The following SLC18A1 variants were observed in gnomAD, a reference collection of about 807,000 sequenced individuals.
SLC18A1 encodes solute carrier family 18 member A1, also known as chromaffin granule amine transporter.
Under a neutral mutation model 53.7 loss-of-function variants are expected in SLC18A1, and 69 were observed. That is an observed-to-expected ratio of 1.28 (90% CI 1.06 to 1.57). The LOEUF (loss-of-function observed/expected upper bound fraction) is 1.57. Ranked by LOEUF, SLC18A1 falls within the 40% of genes most tolerant of loss-of-function variation. The pLI, the probability that SLC18A1 is intolerant of heterozygous loss-of-function variation, is 0.00. For synonymous variants in SLC18A1, 320 were observed against 248.1 expected (o/e 1.29, Z -2.72); for missense variants, 932 against 668.1 (o/e 1.40, Z -4.35).
In SLC18A1 at chr8:20,147,587, G is replaced by C; in HGVS notation, c.1330+16C>G. On this transcript the variant is annotated intron_variant, in intron 14 of 15. Coordinates refer to ENST00000276373, the MANE Select transcript of SLC18A1 (RefSeq NM_003053.4). ...GTAGACAGGGGAAAGTGGGGCACCA[G>C]GTCCTGCCAACATACCTATAGCAAA... 2 of 1,613,858 alleles carry C rather than the reference G, an allele frequency of 1.2e-6. No homozygotes were observed. Among genetic ancestry groups the C allele is most frequent in the Non-Finnish European group, 8.5e-7 (1 of 1,179,806 alleles).
rs772384593 is a variant in SLC18A1 at position 20,179,235 on chromosome 8, C to T, written c.374G>A (p.Cys125Tyr). The change falls in exon 3 of 16, where the codon TGC becomes TAC. Residue 125 changes from cysteine (C) to tyrosine (Y), a missense_variant. Cys to Tyr is a radical substitution (Grantham distance 194, BLOSUM62 -2). Transcript: ENST00000276373. ...CTCCAAGAAACCTGTGCCTTGCAAG[C>T]AGTTGTTTTTATGAGCTGAGATGGC... The part of the protein sequence containing the change: ...TEAISAHKNN[C>Y]LQGTGFLEEE... 1.2e-6 allele frequency: 2 copies of T among 1,614,060 alleles called. No individual in the cohort carries two copies. The highest frequency in any genetic ancestry group is 2.7e-5 in the African/African-American group (2 of 74,922).
intron 8 of SLC18A1, among the ~76,000 whole-genome samples, chr8:20,166,580 G>C (rs2071972453): frequency 6.6e-6 from 1 of 151,548 alleles, no homozygotes; most frequent in African/African-American, 2.4e-5. Context: ...GGTGGGAGAG[G>C]GGGAGGGTTA....
rs1356758508 is a variant in SLC18A1 at position 20,149,579 on chromosome 8, T to TCTCTCC, written c.1146+96_1146+97insGGAGAG. ...CTTTAAATGTCTGTGTCTTTCTCTC[T>TCTCTCC]CTCTCTCTCCCTCTCTCTCTCTCTC... On this transcript the variant is annotated intron_variant, in intron 12 of 15. Coordinates refer to ENST00000276373, the MANE Select transcript of SLC18A1 (RefSeq NM_003053.4). 625 of 1,017,024 alleles carry TCTCTCC rather than the reference T, an allele frequency of 6.1e-4. 1 individual carries two copies. The East Asian group carries it at 0.012, about 19-fold the overall frequency. The allele number at this position is 1,017,024 out of a possible 1,614,324, so 63.0% of individuals were successfully genotyped here.
chr8:20,155,994 T>C (rs952971606), intron 10 of SLC18A1, among the ~76,000 whole-genome samples: 16 of 152,192 alleles, frequency 1.1e-4, no homozygotes, highest in African/African-American at 3.6e-4. Context: ...CTATCCAACT[T>C]ACCCACCCTG....
At chr8:20,152,616 A>T (rs1020976671) in intron 10 of SLC18A1, among the ~76,000 whole-genome samples, 1 of 152,106 alleles carries the variant, frequency 6.6e-6, no homozygotes, top group South Asian at 2.1e-4. Context: ...CATGGGGGGA[A>T]CGTGAGAGGT....
rs35747770 is a variant in SLC18A1, at chr8:20,178,504, A to AT, written c.489-12dup. Reference sequence around the variant, plus strand: ...ATATGATATCCAATCCTAAAAGGGAATTGAAAAAAAAAAAGATACAATTCC... The same window carrying AT: ...ATATGATATCCAATCCTAAAAGGGAATTTGAAAAAAAAAAAGATACAATTCC... On this transcript the variant is annotated splice_polypyrimidine_tract_variant and intron_variant, in intron 3 of 15. Coordinates refer to ENST00000276373, the MANE Select transcript of SLC18A1 (RefSeq NM_003053.4). The AT allele has an allele frequency of 9.9e-4, 1,493 of 1,515,152 alleles. 5 individuals are homozygous for AT. The highest frequency in any genetic ancestry group is 8.9e-3 in the East Asian group (389 of 43,716). The allele number at this position is 1,515,152 out of a possible 1,614,324, so 93.9% of individuals were successfully genotyped here.
chr8:20,159,362 G>T (rs538046625), intron 10 of SLC18A1, among the ~76,000 whole-genome samples: 1 of 152,058 alleles, frequency 6.6e-6, no homozygotes. Context: ...AGCCTAGCTG[G>T]GGAAGGTGAC....
At chr8:20,180,717 G>A in intron 2 of SLC18A1, 124 bp downstream of exon 2, 2 of 1,227,140 alleles carry the variant, frequency 1.6e-6, no homozygotes, top group South Asian at 1.4e-5. Context: ...AACAACCTCT[G>A]TGTGTTTTTG....
intron 10 of SLC18A1, among the ~76,000 whole-genome samples, chr8:20,159,647 A>AG (rs2071771495): frequency 3.0e-5 from 2 of 67,276 alleles, no homozygotes; most frequent in Non-Finnish European, 2.8e-5. Context: ...AAAAAAAAAA[A>AG]AAAAAAAAAA....
At chr8:20,147,043 C>G (rs1237460159) in intron 15 of SLC18A1, among the ~76,000 whole-genome samples, 1 of 151,914 alleles carries the variant, frequency 6.6e-6, no homozygotes, top group Non-Finnish European at 1.5e-5. Context: ...TCCTGATAGC[C>G]CCAGAAAGAG....
At chr8:20,161,250 A>G (rs1179666780) in intron 10 of SLC18A1, among the ~76,000 whole-genome samples, 5 of 152,222 alleles carry the variant, frequency 3.3e-5, no homozygotes, top group Non-Finnish European at 7.3e-5. Context: ...AATTCCCTCC[A>G]GCTGTGAGCG....
chr8:20,171,949 T>C (rs1333399602), intron 6 of SLC18A1, among the ~76,000 whole-genome samples: 1 of 152,214 alleles, frequency 6.6e-6, no homozygotes, highest in Non-Finnish European at 1.5e-5. Context: ...AAAGCGGGTG[T>C]TAGCAGAGTA....
In SLC18A1 at chr8:20,180,836, C is replaced by T. The variant is rs2270640; in HGVS notation, c.124+5G>A. On this transcript the variant is annotated splice_donor_5th_base_variant and intron_variant, in intron 2 of 15. Coordinates refer to ENST00000276373, the MANE Select transcript of SLC18A1 (RefSeq NM_003053.4). ...AACCCTCAGCACAAAGACCCACAAA[C>T]GTACCCACCACAGTAAACAGCATGT... The T allele has an allele frequency of 2.2e-5, 35 of 1,613,670 alleles. No homozygotes were observed. In the East Asian group the frequency reaches 2.5e-4, roughly 11 times the overall value.
chr8:20,173,249 G>T (rs985817761), intron 5 of SLC18A1, 121 bp from the exon 6 acceptor site: 2 of 736,584 alleles, frequency 2.7e-6, no homozygotes, highest in Admixed American at 5.7e-5. Context: ...CAGTTTGAGG[G>T]GTTTTACAAA....
intron 1 of SLC18A1, among the ~76,000 whole-genome samples, chr8:20,182,283 T>C (rs2072448706): frequency 6.6e-6 from 1 of 152,216 alleles, no homozygotes; most frequent in African/African-American, 2.4e-5. Context: ...TGCAGAATTA[T>C]TTTTCTTAGT....
intron 4 of SLC18A1, among the ~76,000 whole-genome samples, chr8:20,176,953 C>T (rs1390470674): frequency 1.3e-5 from 2 of 152,118 alleles, no homozygotes; most frequent in Non-Finnish European, 1.5e-5. Context: ...CTCATGTCTC[C>T]CCAGGCAACC....
At chr8:20,158,278 T>G (rs2071730758) in intron 10 of SLC18A1, among the ~76,000 whole-genome samples, 1 of 152,202 alleles carries the variant, frequency 6.6e-6, no homozygotes, top group Non-Finnish European at 1.5e-5. Context: ...CACTAGATAC[T>G]TCTCCCAGCC....
intron 1 of SLC18A1, chr8:20,181,688 A>T (rs896675782): frequency 6.6e-6 from 1 of 152,188 alleles, no homozygotes; most frequent in Non-Finnish European, 1.5e-5. Flanking sequence ...CTACCCCAAA[A>T]TATTTCATGT....
chr8:20,150,749 G>C lies in SLC18A1; in HGVS notation c.1016-5C>G. The C allele has an allele frequency of 1.2e-6, 2 of 1,613,560 alleles. No homozygotes were observed. The highest frequency in any genetic ancestry group is 1.7e-6 in the Non-Finnish European group (2 of 1,179,484). On this transcript the variant is annotated splice_region_variant and splice_polypyrimidine_tract_variant and intron_variant, in intron 10 of 15. Coordinates refer to ENST00000276373, the MANE Select transcript of SLC18A1 (RefSeq NM_003053.4). ...TGGCAGGCAAGAAAGCTAGACCTGTGGAAGGACACAGATCCTTACCTTAGG... is the reference window on the plus strand; with the variant it reads ...TGGCAGGCAAGAAAGCTAGACCTGTCGAAGGACACAGATCCTTACCTTAGG...
Sources: gnomAD v4.1 joint callset for allele counts (sites outside exome capture counted in the v4.1 genomes callset) on GRCh38, gnomAD v4.1.1 for gene constraint, MANE v1.5 for transcripts, NCBI Gene and HGNC (gene_info 2026-07-23, HGNC 2026-07-21) for gene names.